IL7R: variants seen among roughly 807,000 people sequenced by gnomAD.
The protein encoded by IL7R is interleukin 7 receptor.
IL7R carries 38 observed loss-of-function variants against 47.0 expected under a neutral mutation model. That is an observed-to-expected ratio of 0.81 (90% CI 0.62 to 1.06). The LOEUF is 1.06. Among genes scored for constraint, IL7R ranks in the 50% least tolerant of loss-of-function variants. IL7R has a pLI of 0.00. For synonymous variants in IL7R, 221 were observed against 199.8 expected (o/e 1.11, Z -0.89); for missense variants, 633 against 534.8 (o/e 1.18, Z -1.81).
chr5:35,862,082 C>T (rs1478274360), intron 2 of IL7R, among the ~76,000 whole-genome samples: 3 of 152,272 alleles, frequency 2.0e-5, no homozygotes, highest in East Asian at 3.9e-4. Context: ...GATAAACATG[C>T]TGTTGGACTT....
chr5:35,857,449 T>G (rs1580848705), intron 1 of IL7R, among the ~76,000 whole-genome samples: 2 of 149,874 alleles, frequency 1.3e-5, no homozygotes, highest in East Asian at 3.9e-4. Context: ...TAAGAAATCC[T>G]GAAAGCATAA....
intron 2 of IL7R, among the ~76,000 whole-genome samples, chr5:35,862,551 C>T (rs375984852): frequency 3.3e-5 from 5 of 152,168 alleles, no homozygotes; most frequent in South Asian, 2.1e-4. Flanking sequence ...AAGAAAGAAA[C>T]GTTTTCAGTG....
At chr5:35,866,180 G>A (rs1759933853) in intron 2 of IL7R, among the ~76,000 whole-genome samples, 1 of 152,182 alleles carries the variant, frequency 6.6e-6, no homozygotes, top group South Asian at 2.1e-4. Flanking sequence ...TTATAACCAG[G>A]TTATTTATGT....
At chr5:35,857,101 G>T in intron 1 of IL7R, 42 bp downstream of exon 1, 1 of 1,256,830 alleles carries the variant, frequency 8.0e-7, no homozygotes. Context: ...TGGATTATCT[G>T]TAGCATGGTT....
chr5:35,863,553 C>G (rs1420160624), intron 2 of IL7R, among the ~76,000 whole-genome samples: 1 of 152,174 alleles, frequency 6.6e-6, no homozygotes, highest in African/African-American at 2.4e-5. Context: ...CTAGAACACA[C>G]TCCTTAGGAT....
chr5:35,857,412 A>C (rs1407843256), intron 1 of IL7R, among the ~76,000 whole-genome samples: 1 of 152,276 alleles, frequency 6.6e-6, no homozygotes, highest in South Asian at 2.1e-4. Flanking sequence ...TCAGGAGATC[A>C]AACTGGATTC....
At position 35,867,313 on chromosome 5, in the gene IL7R, CT is replaced by C. The variant is rs766399441; in HGVS notation, c.230del (p.Leu77ProfsTer4). The C allele has an allele frequency of 6.2e-7, 1 of 1,613,508 alleles. No homozygotes were observed. Among genetic ancestry groups the C allele is most frequent in the Admixed American group, 1.7e-5 (1 of 59,962 alleles). Reference sequence around the variant, plus strand: ...CCCTTTTTATTCCTACAGTGGGGCCCTCGTGGAGGTAAAGTGCCTGAATTTC... The same window carrying C: ...CCCTTTTTATTCCTACAGTGGGGCCCCGTGGAGGTAAAGTGCCTGAATTTC... ...TNLEFEICGA[L>X]VEVKCLNFRK... On this transcript the variant is annotated frameshift_variant, in exon 3 of 8. Coordinates refer to ENST00000303115, the MANE Select transcript of IL7R (RefSeq NM_002185.5). LOFTEE classifies it high-confidence loss of function.
Position 35,871,117 on chromosome 5 carries a change from GGT to G in IL7R, c.443_444del (p.Val148AspfsTer3). On this transcript the variant is annotated frameshift_variant, in exon 4 of 8. Transcript: ENST00000303115. LOFTEE classifies it high-confidence loss of function. ...VYREGANDFV[V>X]TFNTSHLQKK... ...ATCGGGAAGGAGCCAATGACTTTGT[GGT>G]GACATTTAATACATCACACTTGCAA... is the stretch of plus-strand genomic sequence containing the variant. The G allele has an allele frequency of 6.2e-7, 1 of 1,611,818 alleles. No individual in the cohort carries two copies. Among genetic ancestry groups the G allele is most frequent in the Non-Finnish European group, 8.5e-7 (1 of 1,177,908 alleles).
intron 2 of IL7R, among the ~76,000 whole-genome samples, chr5:35,866,345 A>G (rs1009037082): frequency 1.3e-5 from 2 of 152,096 alleles, no homozygotes; most frequent in African/African-American, 2.4e-5. Context: ...TTTGAGGGAT[A>G]TTTGTCTATC....
Position 35,878,850 on chromosome 5 carries a change from A to G in IL7R, c.*2364A>G, listed in dbSNP as rs2149907896. The G allele has an allele frequency of 4.3e-6, 1 of 233,114 alleles. No homozygotes were observed. Among genetic ancestry groups the G allele is most frequent in the East Asian group, 6.1e-5 (1 of 16,528 alleles). The allele number at this position is 233,114 out of a possible 1,614,324, so 14.4% of individuals were successfully genotyped here. ...TGAAGAAATGAAGAGATGACCATAG[A>G]AAAACATCGAGATATCTCCAGCTCT... is the stretch of plus-strand genomic sequence containing the variant. On this transcript the variant is annotated 3_prime_UTR_variant, in exon 8 of 8. Coordinates refer to ENST00000303115, the MANE Select transcript of IL7R (RefSeq NM_002185.5).
chr5:35,861,274 T>G (rs1320065997), intron 2 of IL7R, among the ~76,000 whole-genome samples: 4 of 152,026 alleles, frequency 2.6e-5, no homozygotes, highest in Admixed American at 2.0e-4. Flanking sequence ...AAATCCTGCG[T>G]CTCCTACAAC....
rs1330799425 is a variant in IL7R at position 35,878,228 on chromosome 5, C to G, written c.*1742C>G. 1.3e-5 allele frequency: 3 copies of G among 233,084 alleles called. No homozygotes were observed. The highest frequency in any genetic ancestry group is 6.6e-5 in the African/African-American group (3 of 45,330). The allele number at this position is 233,084 out of a possible 1,614,324, so 14.4% of individuals were successfully genotyped here. A position where few individuals can be genotyped will look rare whatever the true frequency, so the allele number is the denominator to read the frequency against. ...GCACCAGCAGTAATAAATACAATGC[C>G]ATAATCCCTTAGGTTTGCCTAGTGC... On this transcript the variant is annotated 3_prime_UTR_variant, in exon 8 of 8. Coordinates refer to ENST00000303115, the MANE Select transcript of IL7R (RefSeq NM_002185.5).
At chr5:35,866,594 G>A (rs7711268) in intron 2 of IL7R, among the ~76,000 whole-genome samples, 108,547 of 152,008 alleles carry the variant, frequency 0.71, 39,780 homozygotes, top group African/African-American at 0.87. Flanking sequence ...AAATATAACT[G>A]TTGAAATATT....
intron 3 of IL7R, 75 bp downstream of exon 3, chr5:35,867,538 G>A (rs1340970165): frequency 3.4e-6 from 4 of 1,179,832 alleles, no homozygotes; most frequent in Admixed American, 3.4e-5. Flanking sequence ...CATTCTGTAG[G>A]TTAAAAGTAG....
Position 35,879,309 on chromosome 5 carries a change from T to C in IL7R, c.*2823T>C. ...AAGCCAAGTATGGGCTGTTCAGAGG[T>C]GCACACCTGCATTTTCTTAGCTCTT... On this transcript the variant is annotated 3_prime_UTR_variant, in exon 8 of 8. Transcript: ENST00000303115. The C allele has an allele frequency of 4.3e-6, 1 of 232,778 alleles. No individual in the cohort carries two copies. The highest frequency in any genetic ancestry group is 2.2e-5 in the African/African-American group (1 of 45,438). 14.4% of individuals were successfully genotyped at this position (232,778 alleles called of 1,614,324 possible).
intron 1 of IL7R, among the ~76,000 whole-genome samples, chr5:35,860,217 A>G (rs572273454): frequency 1.3e-5 from 2 of 152,112 alleles, no homozygotes; most frequent in East Asian, 3.9e-4. Context: ...GCCAGATCTA[A>G]TTTTTTTTCC....
rs567125433 is a variant in IL7R at position 35,875,678 on chromosome 5, C to T, written c.876+91C>T. 8.0e-5 allele frequency: 82 copies of T among 1,021,778 alleles called. 2 individuals are homozygous for T. In the South Asian group the frequency reaches 9.8e-4, roughly 12 times the overall value. The allele number at this position is 1,021,778 out of a possible 1,614,324, so 63.3% of individuals were successfully genotyped here. On this transcript the variant is annotated intron_variant, in intron 7 of 7. Coordinates refer to ENST00000303115, the MANE Select transcript of IL7R (RefSeq NM_002185.5). ...CAGGACAAGGAACAGTTGAACCTCA[C>T]CTTTTGGTATTTGATTCATCCTGTA...
At chr5:35,869,636 T>C (rs1760021247) in intron 3 of IL7R, among the ~76,000 whole-genome samples, 1 of 152,156 alleles carries the variant, frequency 6.6e-6, no homozygotes, top group African/African-American at 2.4e-5. Flanking sequence ...ACTTAGGAGA[T>C]GTGTTCTTCC....
intron 4 of IL7R, 82 bp downstream of exon 4, chr5:35,871,295 G>A (rs1383237327): frequency 1.7e-6 from 2 of 1,146,272 alleles, no homozygotes; most frequent in East Asian, 2.5e-5. Context: ...TTTCCCCTGG[G>A]AGGGCCCAAC....
Sources: gnomAD v4.1 joint callset for allele counts (sites outside exome capture counted in the v4.1 genomes callset) on GRCh38, gnomAD v4.1.1 for gene constraint, MANE v1.5 for transcripts, NCBI Gene and HGNC (gene_info 2026-07-23, HGNC 2026-07-21) for gene names.